KANSL1: variants seen among roughly 807,000 people sequenced by gnomAD.
The protein encoded by KANSL1 is MLL1/MLL complex subunit KANSL1.
A neutral mutation model predicts 103.6 loss-of-function variants in KANSL1; 22 were observed. That is an observed-to-expected ratio of 0.21 (90% CI 0.15 to 0.30). KANSL1 has a LOEUF of 0.30. Among genes scored for constraint, KANSL1 ranks in the 10% least tolerant of loss-of-function variants. The pLI is 1.00. For synonymous variants in KANSL1, 600 were observed against 527.6 expected, an observed-to-expected ratio of 1.14 and a Z score of -1.88; for missense variants, 1,337 against 1,399.8, an observed-to-expected ratio of 0.96 and a Z score of 0.72.
At chr17:46,113,441 T>TA (rs1358436213) in intron 2 of KANSL1, among the ~76,000 whole-genome samples, 1 of 152,174 alleles carries the variant, frequency 6.6e-6, no homozygotes, top group East Asian at 1.9e-4. Flanking sequence ...AACAGAAAAC[T>TA]AAGAGTATGC....
intron 2 of KANSL1, among the ~76,000 whole-genome samples, chr17:46,143,494 C>CA (rs1172650780): frequency 6.6e-4 from 97 of 146,988 alleles, no homozygotes; most frequent in Non-Finnish European, 1.5e-4. Flanking sequence ...AACTTCGTCT[C>CA]AAAAAATAAA....
chr17:46,158,363 C>CT (rs67455357), intron 2 of KANSL1, among the ~76,000 whole-genome samples: 15,481 of 139,442 alleles, frequency 0.11, 74 homozygotes, highest in Non-Finnish European at 0.14. Context: ...CCATTAGAGA[C>CT]TTTTTTTTTT....
intron 2 of KANSL1, among the ~76,000 whole-genome samples, chr17:46,116,020 T>TC (rs2147145395): frequency 6.6e-6 from 1 of 152,356 alleles, no homozygotes; most frequent in South Asian, 2.1e-4. Flanking sequence ...TAACTCATGT[T>TC]ACTAACTATA....
intron 1 of KANSL1, among the ~76,000 whole-genome samples, chr17:46,178,473 GTTC>G (rs1348210150): frequency 3.9e-5 from 6 of 152,204 alleles, no homozygotes; most frequent in African/African-American, 1.4e-4. Flanking sequence ...CCAATTTTTA[GTTC>G]ATTCAGTTAG....
At chr17:46,082,638 G>A in intron 3 of KANSL1, 96 bp from the exon 4 acceptor site, 1 of 618,078 alleles carries the variant, frequency 1.6e-6, no homozygotes, top group East Asian at 2.8e-5. Flanking sequence ...TGGTGTACTA[G>A]AGGCCCCCTC....
chr17:46,169,608 A>AG (rs2046178797), intron 2 of KANSL1: 1 of 152,276 alleles, frequency 6.6e-6, no homozygotes, highest in Non-Finnish European at 1.5e-5. Flanking sequence ...GCCAGCCTCT[A>AG]GCAAAGAGAA....
intron 2 of KANSL1, among the ~76,000 whole-genome samples, chr17:46,163,332 A>G (rs2147644936): frequency 6.6e-6 from 1 of 152,292 alleles, no homozygotes; most frequent in South Asian, 2.1e-4. Context: ...TCCCCCATTT[A>G]TAGAAGATTA....
chr17:46,157,721 T>C (rs182204330), intron 2 of KANSL1, among the ~76,000 whole-genome samples: 2 of 152,382 alleles, frequency 1.3e-5, no homozygotes, highest in Non-Finnish European at 2.9e-5. Flanking sequence ...CTGGTAATGC[T>C]TGAGTGTATT....
chr17:46,213,581 T>G (rs558815488), intron 1 of KANSL1, among the ~76,000 whole-genome samples: 1 of 150,976 alleles, frequency 6.6e-6, no homozygotes, highest in South Asian at 2.1e-4. Context: ...GTGCTGGGAT[T>G]ACAGGCGTGA....
chr17:46,041,075 A>T (rs545585238), intron 7 of KANSL1: 1 of 152,352 alleles, frequency 6.6e-6, no homozygotes, highest in African/African-American at 2.4e-5. Flanking sequence ...GAAATGATTA[A>T]AGATAGTACC....
At chr17:46,060,200 C>G (rs779365918) in intron 6 of KANSL1, among the ~76,000 whole-genome samples, 1 of 152,220 alleles carries the variant, frequency 6.6e-6, no homozygotes, top group Non-Finnish European at 1.5e-5. Flanking sequence ...TCGTCCAAAA[C>G]ACTAAAAGAA....
chr17:46,040,766 C>A (rs949760418), intron 7 of KANSL1: 1 of 152,236 alleles, frequency 6.6e-6, no homozygotes, highest in African/African-American at 2.4e-5. Context: ...ACCACCAATA[C>A]TGAATCTTTC....
intron 3 of KANSL1, among the ~76,000 whole-genome samples, chr17:46,087,252 T>C (rs903393931): frequency 6.6e-6 from 1 of 152,218 alleles, no homozygotes; most frequent in Non-Finnish European, 1.5e-5. Context: ...TTTGAAAATA[T>C]GTGCTCAAGT....
chr17:46,039,977 T>TGTCA, intron 7 of KANSL1, 93 bp from the exon 8 acceptor site: 8 of 1,166,822 alleles, frequency 6.9e-6, no homozygotes, highest in African/African-American at 1.5e-5. Context: ...ATTTGCCCAG[T>TGTCA]GGCCTGACAC....
chr17:46,032,366 A>C, intron 13 of KANSL1, 67 bp from the exon 14 acceptor site: 1 of 1,382,588 alleles, frequency 7.2e-7, no homozygotes, highest in South Asian at 1.5e-5. Context: ...GAGGGCATGA[A>C]AAAAGCATCC....
At chr17:46,170,827 A>C (rs988616010) in intron 2 of KANSL1, 28 bp downstream of exon 2, 14 of 1,546,194 alleles carry the variant, frequency 9.1e-6, no homozygotes, top group Non-Finnish European at 9.6e-6. Context: ...ATTTCTCAAG[A>C]ATGCTATCAT....
Position 46,064,062 on chromosome 17 carries a change from A to AC in KANSL1, c.1848+2474_1848+2475insG, listed in dbSNP as rs1326947114. ...GATATACGACTATTAGTAAAAAAAA[A>AC]AAAAAAAAACAAAAAAAAACTGAGA... On this transcript the variant is annotated intron_variant, in intron 6 of 14. Coordinates refer to ENST00000432791, the MANE Select transcript of KANSL1 (RefSeq NM_015443.4). 9.0e-4 allele frequency among the ~76,000 whole-genome samples: 119 copies of AC among 132,210 alleles called. 4 individuals are homozygous for AC. The East Asian group carries it at 0.027, about 30-fold the overall frequency. The allele number at this position is 132,210 out of a possible 152,430, so 86.7% of individuals were successfully genotyped here. A position where few individuals can be genotyped will look rare whatever the true frequency, so the allele number is the denominator to read the frequency against.
chr17:46,088,439 A>G (rs1464118626), intron 3 of KANSL1: 1 of 152,252 alleles, frequency 6.6e-6, no homozygotes, highest in Non-Finnish European at 1.5e-5. Context: ...CAGCTTTATG[A>G]AAATTTTGAA....
intron 2 of KANSL1, among the ~76,000 whole-genome samples, chr17:46,158,581 C>A (rs1485321313): frequency 6.6e-6 from 1 of 152,214 alleles, no homozygotes. Context: ...CGCTCTATCG[C>A]CCAGGCTGGA....
Sources: gnomAD v4.1 joint callset for allele counts (sites outside exome capture counted in the v4.1 genomes callset) on GRCh38, gnomAD v4.1.1 for gene constraint, MANE v1.5 for transcripts, NCBI Gene and HGNC (gene_info 2026-07-23, HGNC 2026-07-21) for gene names.